KAT2A: variants seen among roughly 807,000 people sequenced by gnomAD.
KAT2A encodes lysine acetyltransferase 2A.
KAT2A carries 42 observed loss-of-function variants against 95.2 expected under a neutral mutation model. That is an observed-to-expected ratio of 0.44 (90% CI 0.34 to 0.57). The LOEUF (loss-of-function observed/expected upper bound fraction) is 0.57. Ranked by LOEUF, KAT2A falls within the 20% of genes least tolerant of loss-of-function variation. The pLI, the probability that KAT2A is intolerant of heterozygous loss-of-function variation, is 0.01. For missense variants in KAT2A, 784 were observed against 1,126.3 expected (o/e 0.70, Z 4.35); for synonymous variants, 449 against 448.2 (o/e 1.00, Z -0.02).
Position 42,120,764 on chromosome 17 carries a change from A to T in KAT2A, c.405T>A (p.Asp135Glu). 1 of 1,614,074 alleles carries T rather than the reference A, an allele frequency of 6.2e-7. No homozygotes were observed. The highest frequency in any genetic ancestry group is 8.5e-7 in the Non-Finnish European group (1 of 1,180,012). ...NPKPPTAPRMDLQQPAANLSE... is the reference protein window; with the variant it reads ...NPKPPTAPRMELQQPAANLSE... The stretch of plus-strand genomic sequence containing the variant: ...TCAGGTTGGCAGCTGGCTGCTGCAG[A>T]TCCATGCGGGGTGCAGTGGGGGGCT... The change falls in exon 2 of 18, where the codon GAT becomes GAA. Residue 135 changes from aspartate (D) to glutamate (E), a missense_variant. Physicochemically the swap from Asp to Glu is conservative, Grantham distance 45. Coordinates refer to ENST00000225916, the MANE Select transcript of KAT2A (RefSeq NM_021078.3).
In KAT2A at chr17:42,119,208, T is replaced by C. The variant is rs1555666742; in HGVS notation, c.1073+37A>G. The stretch of plus-strand genomic sequence containing the variant: ...AGGGGACAACAGGGAGGATGTGAAC[T>C]TGGGGCCAAATCCTGGTAGGCCAGA... On this transcript the variant is annotated intron_variant, in intron 6 of 17. Transcript: ENST00000225916. This position sits in a 1 kb window ranked among gnomAD's most constrained non-coding sequence, Gnocchi z 5.3. 5.1e-6 allele frequency: 8 copies of C among 1,568,292 alleles called. No homozygotes were observed. In the South Asian group the frequency reaches 8.2e-5, roughly 16 times the overall value.
At chr17:42,118,184 C>T (rs2054289809) in intron 7 of KAT2A, 113 bp downstream of exon 7, 2 of 891,394 alleles carry the variant, frequency 2.2e-6, no homozygotes, top group Admixed American at 2.1e-5. Context: ...AAGCCGGTGG[C>T]AGGTCCCTCA....
Position 42,118,027 on chromosome 17 carries a change from G to GAT in KAT2A, c.1181-11_1181-10insAT. 1 of 1,431,924 alleles carries GAT rather than the reference G, an allele frequency of 7.0e-7. No homozygotes were observed. The highest frequency in any genetic ancestry group is 9.5e-7 in the Non-Finnish European group (1 of 1,057,922). The allele number at this position is 1,431,924 out of a possible 1,614,324, so 88.7% of individuals were successfully genotyped here. On this transcript the variant is annotated splice_polypyrimidine_tract_variant and intron_variant, in intron 7 of 17. Coordinates refer to ENST00000225916, the MANE Select transcript of KAT2A (RefSeq NM_021078.3). ...GCTGCACTGACTGAAGCTGAGGAGA[G>GAT]AGAGAGACGTCAGGGATGGGGGGCT... is the stretch of plus-strand genomic sequence containing the variant.
Position 42,121,332 on chromosome 17 carries a change from C to T in KAT2A, c.-28G>A. ...CCTCCCCCGCAGCGGAGAGCGGCGC[C>T]GCGCTCCCAGCCCTAGGGCCGCATG... On this transcript the variant is annotated 5_prime_UTR_variant, in exon 1 of 18. Transcript: ENST00000225916. 7.3e-7 allele frequency: 1 copy of T among 1,363,886 alleles called. No homozygotes were observed. The highest frequency in any genetic ancestry group is 9.4e-7 in the Non-Finnish European group (1 of 1,065,764). 84.5% of individuals were successfully genotyped at this position (1,363,886 alleles called of 1,614,324 possible).
At position 42,119,672 on chromosome 17, in the gene KAT2A, C is replaced by T; in HGVS notation, c.746G>A (p.Arg249Gln). The change falls in exon 5 of 18, where the codon CGG (arginine) becomes CAG (glutamine). Residue 249 changes from arginine to glutamine, a missense_variant. Transcript: ENST00000225916. The surrounding 1 kb of genome is among the most constrained non-coding windows in gnomAD (Gnocchi z 5.3). ...GAGCTCGAACATCGTCTGCCGCTCC[C>T]GGGGAGCCAGGTGACTAAACTTGTA... ...VQYKFSHLAP[R>Q]ERQTMFELSK... The T allele has an allele frequency of 6.2e-7, 1 of 1,613,224 alleles. No individual in the cohort carries two copies. The highest frequency in any genetic ancestry group is 8.5e-7 in the Non-Finnish European group (1 of 1,179,548).
At position 42,113,992 on chromosome 17, in the gene KAT2A, G is replaced by T; in HGVS notation, c.2320+8C>A. The T allele has an allele frequency of 6.6e-7, 1 of 1,511,152 alleles. No homozygotes were observed. The highest frequency in any genetic ancestry group is 8.8e-7 in the Non-Finnish European group (1 of 1,132,978). The allele number at this position is 1,511,152 out of a possible 1,614,324, so 93.6% of individuals were successfully genotyped here. A position where few individuals can be genotyped will look rare whatever the true frequency, so the allele number is the denominator to read the frequency against. On this transcript the variant is annotated splice_region_variant and intron_variant, in intron 17 of 17. Transcript: ENST00000225916. ...AGGAGGGAAGGGGATGGAATGGAAG[G>T]TCCTCACCAATGGGGAAGCGGATGA...
chr17:42,114,208 G>T lies in KAT2A; in HGVS notation c.2235+11C>A, dbSNP rs782152488. On this transcript the variant is annotated intron_variant, in intron 16 of 17. Coordinates refer to ENST00000225916, the MANE Select transcript of KAT2A (RefSeq NM_021078.3). This position sits in a 1 kb window ranked among gnomAD's most constrained non-coding sequence, Gnocchi z 6.0. ...TGCAGGGGCCCTGGAAAGGAAACCT[G>T]GTCTCCCCACCTTGATTTGGGCCAG... 1.3e-6 allele frequency: 2 copies of T among 1,592,494 alleles called. No homozygotes were observed. The highest frequency in any genetic ancestry group is 1.7e-6 in the Non-Finnish European group (2 of 1,168,630).
At chr17:42,116,886 G>C (rs555391328) in intron 11 of KAT2A, 149 bp downstream of exon 11, 3 of 948,288 alleles carry the variant, frequency 3.2e-6, no homozygotes, top group African/African-American at 1.6e-5. Flanking sequence ...ATCAAAGTAC[G>C]GCTGCCACCT....
In KAT2A at chr17:42,117,913, T is replaced by C. The variant is rs782113660; in HGVS notation, c.1285A>G (p.Met429Val). The C allele has an allele frequency of 3.7e-6, 6 of 1,602,012 alleles. No individual in the cohort carries two copies. The highest frequency in any genetic ancestry group is 1.7e-4 in the Middle Eastern group (1 of 6,040). The part of the protein sequence containing the change: ...LSLDSAGAEP[M>V]PGEKRTLPEN... ...TCAGGGGTCAAGTATCCACCTGGCATAGGCTCGGCCCCTGCAGAATCCAGA... is the reference window on the plus strand; with the variant it reads ...TCAGGGGTCAAGTATCCACCTGGCACAGGCTCGGCCCCTGCAGAATCCAGA... The change falls in exon 8 of 18, where the codon ATG becomes GTG. Residue 429 changes from methionine to valine, a missense_variant. By Grantham distance (21) the Met-to-Val change is conservative (BLOSUM62 1). Coordinates refer to ENST00000225916, the MANE Select transcript of KAT2A (RefSeq NM_021078.3). This position sits in a 1 kb window ranked among gnomAD's most constrained non-coding sequence, Gnocchi z 8.9.
chr17:42,114,582 C>T lies in KAT2A; in HGVS notation c.2042G>A (p.Arg681His), dbSNP rs764849106. 9.3e-6 allele frequency: 15 copies of T among 1,613,700 alleles called. No homozygotes were observed. The highest frequency in any genetic ancestry group is 2.2e-5 in the East Asian group (1 of 44,890). Residue 681 changes from arginine (R) to histidine (H), a missense_variant, in exon 14 of 18, where the codon CGC becomes CAC. Physicochemically the swap from Arg to His is conservative, Grantham distance 29 (BLOSUM62 0). Transcript: ENST00000225916. The surrounding 1 kb of genome is among the most constrained non-coding windows in gnomAD (Gnocchi z 6.0). ...QKEIIKKLIE[R>H]KQAQIRKVYP... ...GACCTTGCGGATCTGGGCCTGTTTG[C>T]GCTCAATCAGCTTCTTGATGATCTG...
rs1555666785 is a variant in KAT2A at position 42,119,330 on chromosome 17, G to A, written c.988C>T (p.Arg330Cys). 6 of 1,613,992 alleles carry A rather than the reference G, an allele frequency of 3.7e-6. No individual in the cohort carries two copies. The highest frequency in any genetic ancestry group is 5.1e-6 in the Non-Finnish European group (6 of 1,179,986). The change falls in exon 6 of 18, where the codon CGC becomes TGC. Residue 330 changes from arginine to cysteine, a missense_variant. By Grantham distance (180) the Arg-to-Cys change is radical. Coordinates refer to ENST00000225916, the MANE Select transcript of KAT2A (RefSeq NM_021078.3). The surrounding 1 kb of genome is among the most constrained non-coding windows in gnomAD (Gnocchi z 5.3). ...SLLRSIFTVT[R>C]RQLLEKFRVE... ...CGGAACTTTTCCAGCAGCTGCCGGC[G>A]GGTAACGGTGAAAATGGACCGGAGA...
At position 42,119,184 on chromosome 17, in the gene KAT2A, G is replaced by C; in HGVS notation, c.1073+61C>G. On this transcript the variant is annotated intron_variant, in intron 6 of 17. Transcript: ENST00000225916. The surrounding 1 kb of genome is among the most constrained non-coding windows in gnomAD (Gnocchi z 5.3). Reference sequence around the variant, plus strand: ...ATCCAGGAAGCCTTCCTGGAAAAAAGGGGACAACAGGGAGGATGTGAACTT... The same window carrying C: ...ATCCAGGAAGCCTTCCTGGAAAAAACGGGACAACAGGGAGGATGTGAACTT... The C allele has an allele frequency of 1.3e-6, 2 of 1,531,338 alleles. No individual in the cohort carries two copies. Among genetic ancestry groups the C allele is most frequent in the South Asian group, 1.3e-5 (1 of 78,634 alleles). 94.9% of individuals were successfully genotyped at this position (1,531,338 alleles called of 1,614,324 possible).
At chr17:42,120,887 G>A (rs2054326885) in intron 1 of KAT2A, 58 bp from the exon 2 acceptor site, 6 of 1,567,102 alleles carry the variant, frequency 3.8e-6, no homozygotes, top group African/African-American at 1.4e-5. Context: ...CCGCTCCGCA[G>A]CCAGAGCTTT....
chr17:42,117,655 G>C lies in KAT2A; in HGVS notation c.1428+23C>G, dbSNP rs1410903383. 4 of 1,605,958 alleles carry C rather than the reference G, an allele frequency of 2.5e-6. No individual in the cohort carries two copies. Among genetic ancestry groups the C allele is most frequent in the Non-Finnish European group, 3.4e-6 (4 of 1,174,880 alleles). On this transcript the variant is annotated intron_variant, in intron 9 of 17. Transcript: ENST00000225916. The surrounding 1 kb of genome is among the most constrained non-coding windows in gnomAD (Gnocchi z 8.9). Reference sequence around the variant, plus strand: ...TCAGGTTGGTGGGGGTCCCCCAACTGGTCAGCAGGTCGGGCTGCCCACCTC... The same window carrying C: ...TCAGGTTGGTGGGGGTCCCCCAACTCGTCAGCAGGTCGGGCTGCCCACCTC...
chr17:42,115,854 A>G (rs1555665889), intron 11 of KAT2A, 21 bp from the exon 12 acceptor site: 1 of 1,401,530 alleles, frequency 7.1e-7, no homozygotes, highest in Admixed American at 1.7e-5. Context: ...GGGAAGCAGG[A>G]CTCACCAGGA....
At chr17:42,116,942 G>A in intron 11 of KAT2A, 93 bp downstream of exon 11, 9 of 1,469,992 alleles carry the variant, frequency 6.1e-6, no homozygotes, top group Non-Finnish European at 7.5e-6. Flanking sequence ...AAGAGCAACG[G>A]GCTGCTGCAT....
At position 42,119,498 on chromosome 17, in the gene KAT2A, C is replaced by A. The variant is rs2054306155; in HGVS notation, c.881+39G>T. 13 of 1,580,934 alleles carry A rather than the reference C, an allele frequency of 8.2e-6. No individual in the cohort carries two copies. The highest frequency in any genetic ancestry group is 1.1e-5 in the Non-Finnish European group (13 of 1,160,296). ...GGAAACCACTGAACCCAGGCTGGGCCTGCAAGCCTCCCCCGAAGCTGCCCC... is the reference window on the plus strand; with the variant it reads ...GGAAACCACTGAACCCAGGCTGGGCATGCAAGCCTCCCCCGAAGCTGCCCC... On this transcript the variant is annotated intron_variant, in intron 5 of 17. Transcript: ENST00000225916. The surrounding 1 kb of genome is among the most constrained non-coding windows in gnomAD (Gnocchi z 5.3).
chr17:42,117,713 T>TCAG lies in KAT2A; in HGVS notation c.1390_1392dup (p.Leu464dup). On this transcript the variant is annotated inframe_insertion, in exon 9 of 18. Transcript: ENST00000225916. This position sits in a 1 kb window ranked among gnomAD's most constrained non-coding sequence, Gnocchi z 8.9. ...AGCATGGCAGCAGGGTCAGTGATGG[T>TCAG]CAGCATGACCTCATTGACCAGCTCC... The TCAG allele has an allele frequency of 6.2e-7, 1 of 1,613,274 alleles. No individual in the cohort carries two copies. The highest frequency in any genetic ancestry group is 8.5e-7 in the Non-Finnish European group (1 of 1,179,586).
Position 42,117,573 on chromosome 17 carries a change from C to T in KAT2A, c.1452G>A (p.Ala484=), listed in dbSNP as rs782360789. ...GPETSLLSAN[A]ARDETARLEE... is the part of the protein sequence containing the mutation. ...CCAGGCGGGCTGTCTCATCCCGGGC[C>T]GCATTGGCCGAAAGCAGGCTCGTCT... Residue 484 remains alanine (A), a synonymous_variant, in exon 10 of 18, where the codon GCG becomes GCA. Transcript: ENST00000225916. This position sits in a 1 kb window ranked among gnomAD's most constrained non-coding sequence, Gnocchi z 8.9. 3.1e-6 allele frequency: 5 copies of T among 1,612,846 alleles called. No homozygotes were observed. The highest frequency in any genetic ancestry group is 4.2e-6 in the Non-Finnish European group (5 of 1,179,828).
Sources: gnomAD v4.1 joint callset for allele counts on GRCh38, gnomAD v4.1.1 for gene constraint, Gnocchi (gnomAD v3.1) non-coding constraint, MANE v1.5 for transcripts, NCBI Gene and HGNC (gene_info 2026-07-23, HGNC 2026-07-21) for gene names.